Variants in HYDIN observed in about 807,000 individuals in gnomAD.
The protein encoded by HYDIN is HYDIN axonemal central pair apparatus protein.
HYDIN carries 132 observed loss-of-function variants against 403.9 expected under a neutral mutation model. The observed-to-expected ratio is 0.33, with a 90% CI of 0.28 to 0.38. The LOEUF (loss-of-function observed/expected upper bound fraction) is 0.38, where lower values mean the gene tolerates loss of function less well. HYDIN is among the 10% of genes least tolerant of loss of function. The probability of loss-of-function intolerance (pLI) is 1.00; values close to 1 mark genes in which losing one functional copy is unlikely to be tolerated. For missense variants in HYDIN, 2,827 were observed against 5,009.5 expected (o/e 0.56, Z 13.15); for synonymous variants, 1,202 against 1,891.7 (o/e 0.64, Z 9.46).
At chr16:71,180,598 C>CATAGACAG (rs1201927462) in intron 3 of HYDIN, among the ~76,000 whole-genome samples, 1 of 137,764 alleles carries the variant, frequency 7.3e-6, no homozygotes, top group Non-Finnish European at 1.5e-5. Context: ...ATTCATAAAC[C>CATAGACAG]ATAGACAGAT....
At position 70,868,688 on chromosome 16, in the gene HYDIN, G is replaced by T; in HGVS notation, c.11192C>A (p.Ser3731Tyr). The T allele has an allele frequency of 1.2e-6, 2 of 1,614,156 alleles. No individual in the cohort carries two copies. The highest frequency in any genetic ancestry group is 1.7e-6 in the Non-Finnish European group (2 of 1,180,032). Residue 3731 changes from serine (S) to tyrosine (Y), a missense_variant, in exon 66 of 86, where the codon TCC becomes TAC. Coordinates refer to ENST00000393567, the MANE Select transcript of HYDIN (RefSeq NM_001270974.2). ...TGCAGGGAGCTGAAACATAATCCTG[G>T]AGAGCTTGCACCTGATCCGCATATT... ...LKNMRIRCKL[S>Y]RIMFQLPADQ...
chr16:70,965,451 G>A (rs2078544002), intron 36 of HYDIN, among the ~76,000 whole-genome samples: 1 of 151,308 alleles, frequency 6.6e-6, no homozygotes, highest in Non-Finnish European at 1.5e-5. Flanking sequence ...TAACTTTTTA[G>A]TATAAATATG....
At chr16:71,015,331 C>T (rs1249235972) in intron 23 of HYDIN, among the ~76,000 whole-genome samples, 2 of 151,960 alleles carry the variant, frequency 1.3e-5, no homozygotes, top group Non-Finnish European at 2.9e-5. Context: ...TTAAGTGTAT[C>T]ATCTTCAGTA....
intron 18 of HYDIN, among the ~76,000 whole-genome samples, chr16:71,050,004 T>C (rs113422630): frequency 6.7e-6 from 1 of 149,172 alleles, no homozygotes; most frequent in African/African-American, 2.5e-5. Flanking sequence ...ATAATATATA[T>C]ATAATATACA....
intron 84 of HYDIN, among the ~76,000 whole-genome samples, chr16:70,816,065 C>T (rs1314919117): frequency 2.6e-5 from 4 of 152,108 alleles, no homozygotes; most frequent in South Asian, 2.1e-4. Flanking sequence ...GCTGAGATTG[C>T]GCCACTGCAC....
intron 7 of HYDIN, among the ~76,000 whole-genome samples, chr16:71,137,949 A>ACC (rs2084999303): frequency 2.0e-5 from 3 of 151,792 alleles, no homozygotes; most frequent in Admixed American, 1.3e-4. Context: ...ACACACACAC[A>ACC]CCCCTGACAT....
At chr16:70,943,745 G>C in intron 42 of HYDIN, 67 bp downstream of exon 42, 2 of 1,562,898 alleles carry the variant, frequency 1.3e-6, no homozygotes, top group Non-Finnish European at 1.7e-6. Flanking sequence ...CAGAACCTCT[G>C]TCCAGGGTGT....
intron 17 of HYDIN, among the ~76,000 whole-genome samples, chr16:71,061,589 C>T (rs1475492114): frequency 6.6e-6 from 1 of 152,026 alleles, no homozygotes; most frequent in African/African-American, 2.4e-5. Flanking sequence ...CTCTTAACAG[C>T]TTGAGTAGGC....
At chr16:71,199,200 G>A (rs1325893367) in intron 1 of HYDIN, among the ~76,000 whole-genome samples, 1 of 152,150 alleles carries the variant, frequency 6.6e-6, no homozygotes, top group Non-Finnish European at 1.5e-5. Flanking sequence ...TCTTACTGAT[G>A]TGCAGAAGTC....
intron 12 of HYDIN, among the ~76,000 whole-genome samples, chr16:71,087,374 T>C (rs1365665656): frequency 2.7e-5 from 4 of 150,190 alleles, no homozygotes; most frequent in African/African-American, 9.8e-5. Flanking sequence ...ACATGGCCCT[T>C]TTCTATGTGT....
At chr16:71,192,603 T>C (rs550503425) in intron 1 of HYDIN, among the ~76,000 whole-genome samples, 17 of 152,110 alleles carry the variant, frequency 1.1e-4, no homozygotes, top group Non-Finnish European at 2.4e-4. Flanking sequence ...TGGCAGCTAA[T>C]TCCCATTTGT....
At chr16:70,828,568 G>A (rs1238547402) in intron 81 of HYDIN, 139 bp from the exon 82 acceptor site, 1 of 495,696 alleles carries the variant, frequency 2.0e-6, no homozygotes, top group African/African-American at 2.0e-5. Context: ...ACATCTTGGT[G>A]ATATAGTTCA....
chr16:71,027,043 G>A (rs2080731278), intron 20 of HYDIN: 1 of 703,090 alleles, frequency 1.4e-6, no homozygotes. Flanking sequence ...CTCATGATTT[G>A]GATCTACTGA....
At chr16:70,924,918 T>G (rs957038581) in intron 45 of HYDIN, among the ~76,000 whole-genome samples, 4 of 141,974 alleles carry the variant, frequency 2.8e-5, no homozygotes, top group Non-Finnish European at 4.6e-5. Context: ...CGTTTACCTA[T>G]GTAACAAACC....
intron 10 of HYDIN, among the ~76,000 whole-genome samples, chr16:71,101,845 T>G (rs1210436599): frequency 1.3e-5 from 2 of 152,122 alleles, no homozygotes; most frequent in Non-Finnish European, 2.9e-5. Context: ...CCTGGGGATA[T>G]ATCCTAGAAA....
At chr16:71,102,544 G>A (rs1371694166) in intron 10 of HYDIN, among the ~76,000 whole-genome samples, 1 of 150,890 alleles carries the variant, frequency 6.6e-6, no homozygotes, top group Non-Finnish European at 1.5e-5. Flanking sequence ...AATATTATAA[G>A]TATGATATGA....
chr16:70,898,975 TGGCCAG>T (rs1247647136), intron 53 of HYDIN, among the ~76,000 whole-genome samples: 8 of 152,208 alleles, frequency 5.3e-5, no homozygotes, highest in Admixed American at 2.0e-4. Context: ...TTCACCATGT[TGGCCAG>T]GGTGGTCTTG....
At chr16:71,172,337 T>C (rs563112108) in intron 5 of HYDIN, among the ~76,000 whole-genome samples, 1 of 152,332 alleles carries the variant, frequency 6.6e-6, no homozygotes, top group East Asian at 1.9e-4. Context: ...TGTTTTGCTT[T>C]CCCACAAAAG....
At chr16:71,225,486 T>C (rs1384243896) in intron 1 of HYDIN, among the ~76,000 whole-genome samples, 1 of 152,246 alleles carries the variant, frequency 6.6e-6, no homozygotes, top group Non-Finnish European at 1.5e-5. Flanking sequence ...ATGCTTTGGA[T>C]TGACCACTCT....
Sources: gnomAD v4.1 joint callset for allele counts (sites outside exome capture counted in the v4.1 genomes callset) on GRCh38, gnomAD v4.1.1 for gene constraint, MANE v1.5 for transcripts, NCBI Gene and HGNC (gene_info 2026-07-23, HGNC 2026-07-21) for gene names.